Variants in GABRA3 observed in about 807,000 individuals in gnomAD.
The protein encoded by GABRA3 is gamma-aminobutyric acid type A receptor subunit alpha3.
In GABRA3, 10 loss-of-function variants were observed where a neutral mutation model predicts 30.1. The observed-to-expected ratio is 0.33, with a 90% CI of 0.20 to 0.56. The LOEUF (loss-of-function observed/expected upper bound fraction) is 0.56, where lower values mean the gene tolerates loss of function less well. Ranked by LOEUF, GABRA3 falls within the 20% of genes least tolerant of loss-of-function variation. The pLI, the probability that GABRA3 is intolerant of heterozygous loss-of-function variation, is 0.89. For synonymous variants in GABRA3, 151 were observed against 146.8 expected (o/e 1.03, Z -0.21); for missense variants, 233 against 392.0 (o/e 0.59, Z 3.42).
At chrX:152,201,422 C>T (rs778326062) in intron 7 of GABRA3, among the ~76,000 whole-genome samples, 4 of 112,028 alleles carry the variant, frequency 3.6e-5, no homozygotes, top group South Asian at 3.7e-4. Flanking sequence ...GTATCAGAAA[C>T]GCAGAACAGT....
At chrX:152,284,921 C>T (rs974591194) in intron 3 of GABRA3, among the ~76,000 whole-genome samples, 186 bp from the exon 4 acceptor site, 1 of 111,650 alleles carries the variant, frequency 9.0e-6, no homozygotes, top group African/African-American at 3.3e-5. Context: ...CAAAGTCTAT[C>T]CCTTTAGTAT....
chrX:152,385,911 G>A (rs1603252180), intron 1 of GABRA3, among the ~76,000 whole-genome samples: 1 of 110,548 alleles, frequency 9.0e-6, no homozygotes, highest in African/African-American at 3.3e-5. Flanking sequence ...GTAGATATGC[G>A]GCGTTCTTTC....
intron 1 of GABRA3, among the ~76,000 whole-genome samples, chrX:152,409,593 G>A (rs1273340942): frequency 9.0e-6 from 1 of 111,074 alleles, no homozygotes; most frequent in African/African-American, 3.3e-5. Context: ...TAGAATAGAA[G>A]AAAATATCTG....
intron 2 of GABRA3, among the ~76,000 whole-genome samples, chrX:152,348,033 T>C (rs944206788): frequency 1.8e-5 from 2 of 111,685 alleles, no homozygotes; most frequent in Non-Finnish European, 3.8e-5. Flanking sequence ...CAATGCTAAA[T>C]ATCACCCCCA....
At chrX:152,188,389 T>G (rs1937283030) in intron 9 of GABRA3, among the ~76,000 whole-genome samples, 1 of 111,032 alleles carries the variant, frequency 9.0e-6, no homozygotes, top group Admixed American at 9.7e-5. Flanking sequence ...TAAAATGTAA[T>G]AAGGGAGCAA....
intron 1 of GABRA3, among the ~76,000 whole-genome samples, chrX:152,433,979 A>G (rs1045528725): frequency 8.9e-5 from 10 of 112,071 alleles, no homozygotes; most frequent in Non-Finnish European, 5.6e-5. Flanking sequence ...GAAGAAATAG[A>G]TAATCTATAG....
intron 6 of GABRA3, among the ~76,000 whole-genome samples, chrX:152,221,568 T>C (rs1041736432): frequency 7.1e-5 from 8 of 111,970 alleles, no homozygotes; most frequent in Non-Finnish European, 1.5e-4. Context: ...TTTTTCATTC[T>C]ATTTATGCTG....
At chrX:152,354,061 G>T (rs1313500889) in intron 2 of GABRA3, among the ~76,000 whole-genome samples, 1 of 111,974 alleles carries the variant, frequency 8.9e-6, no homozygotes, top group Non-Finnish European at 1.9e-5. Context: ...GAGATATTAA[G>T]AATTCAGTGG....
intron 3 of GABRA3, among the ~76,000 whole-genome samples, chrX:152,327,294 A>C (rs1201416176): frequency 9.0e-6 from 1 of 111,049 alleles, no homozygotes; most frequent in African/African-American, 3.3e-5. Flanking sequence ...CAGATCAACG[A>C]GACAGAAAGT....
intron 5 of GABRA3, among the ~76,000 whole-genome samples, chrX:152,226,371 C>T (rs1937954579): frequency 9.0e-6 from 1 of 111,547 alleles, no homozygotes; most frequent in South Asian, 3.8e-4. Context: ...GAGATGCTCA[C>T]AGTATGTTAC....
chrX:152,424,809 C>A (rs1448201074), intron 1 of GABRA3, among the ~76,000 whole-genome samples: 6 of 109,803 alleles, frequency 5.5e-5, no homozygotes, highest in Non-Finnish European at 9.5e-5. Context: ...TAATTTCAAA[C>A]TTCCAAACGA....
At chrX:152,219,063 C>G (rs762450347) in intron 6 of GABRA3, among the ~76,000 whole-genome samples, 82 of 111,296 alleles carry the variant, frequency 7.4e-4, no homozygotes, top group African/African-American at 2.5e-3. Flanking sequence ...TTTAGGTTTT[C>G]TCATACGTCA....
At chrX:152,317,809 C>T (rs781665250) in intron 3 of GABRA3, among the ~76,000 whole-genome samples, 9 of 111,207 alleles carry the variant, frequency 8.1e-5, no homozygotes, top group South Asian at 7.5e-4. Flanking sequence ...CTCTGGGATA[C>T]GGCAAAAGCA....
intron 4 of GABRA3, among the ~76,000 whole-genome samples, chrX:152,275,345 TA>T (rs1939051278): frequency 8.8e-4 from 2 of 2,260 alleles, no homozygotes; most frequent in African/African-American, 3.0e-3. Context: ...ATATTATATA[TA>T]ATAAATATAT....
chrX:152,234,572 T>C (rs990879854), intron 5 of GABRA3, among the ~76,000 whole-genome samples: 1 of 111,870 alleles, frequency 8.9e-6, no homozygotes, highest in African/African-American at 3.2e-5. Context: ...AGAGTTTTTC[T>C]AGATTTTCTT....
At position 152,181,426 on chromosome X, in the gene GABRA3, T is replaced by TTTTTC. The variant is rs756224969; in HGVS notation, c.1143+8299_1143+8303dup. ...AATTTATTTGCTAGTTCTAACAGCT[T>TTTTTC]TTTTCTTTTCTTTTCTTTTCTTTTT... is the stretch of plus-strand genomic sequence containing the variant. On this transcript the variant is annotated intron_variant, in intron 9 of 9. Transcript: ENST00000370314. 1.3e-4 allele frequency among the ~76,000 whole-genome samples: 14 copies of TTTTTC among 111,809 alleles called. 1 individual carries two copies. Among genetic ancestry groups the TTTTTC allele is most frequent in the South Asian group, 1.1e-3 (3 of 2,695 alleles).
intron 1 of GABRA3, among the ~76,000 whole-genome samples, chrX:152,441,084 T>C (rs1305803478): frequency 9.1e-6 from 1 of 110,365 alleles, no homozygotes; most frequent in Non-Finnish European, 1.9e-5. Context: ...AGAAAAGAAC[T>C]GGCTGCAAAG....
intron 4 of GABRA3, among the ~76,000 whole-genome samples, chrX:152,273,046 T>A (rs1603230495): frequency 2.7e-5 from 3 of 111,626 alleles, no homozygotes; most frequent in South Asian, 7.4e-4. Flanking sequence ...GACAAGGGAT[T>A]AACAACCAGA....
At chrX:152,241,213 A>G (rs1373807471) in intron 5 of GABRA3, among the ~76,000 whole-genome samples, 18 of 95,812 alleles carry the variant, frequency 1.9e-4, no homozygotes, top group African/African-American at 3.5e-4. Flanking sequence ...TTTTCCTTCT[A>G]ACAGACAGGA....
Sources: allele counts gnomAD v4.1 joint callset (sites outside exome capture counted in the v4.1 genomes callset), GRCh38; gene constraint gnomAD v4.1.1; transcripts MANE v1.5; gene names NCBI Gene and HGNC (gene_info 2026-07-23, HGNC 2026-07-21).